DCLK2: variants seen among roughly 807,000 people sequenced by gnomAD.
DCLK2 encodes serine/threonine-protein kinase DCLK2.
DCLK2 carries 31 observed loss-of-function variants against 78.4 expected under a neutral mutation model. The ratio of observed to expected loss-of-function variants is 0.40; its 90% confidence interval spans 0.30 to 0.53. DCLK2 has a LOEUF of 0.53. Among genes scored for constraint, DCLK2 ranks in the 20% least tolerant of loss-of-function variants. DCLK2 has a pLI of 0.61. For missense variants in DCLK2, 872 were observed against 973.7 expected, an observed-to-expected ratio of 0.90 and a Z score of 1.39; for synonymous variants, 407 against 374.9, an observed-to-expected ratio of 1.09 and a Z score of -0.99.
At chr4:150,232,950 A>G in intron 10 of DCLK2, 122 bp downstream of exon 10, 2 of 1,257,190 alleles carry the variant, frequency 1.6e-6, no homozygotes, top group Non-Finnish European at 2.2e-6. Context: ...AAATTTAGAA[A>G]ATTAGCAAGA....
At chr4:150,109,403 C>T (rs1283503501) in intron 2 of DCLK2, among the ~76,000 whole-genome samples, 14 of 151,088 alleles carry the variant, frequency 9.3e-5, no homozygotes, top group Admixed American at 5.3e-4. Flanking sequence ...GGCATGATCT[C>T]GGCTCACTGC....
At chr4:150,099,481 T>A (rs796071905) in intron 1 of DCLK2, among the ~76,000 whole-genome samples, 14 of 152,294 alleles carry the variant, frequency 9.2e-5, no homozygotes, top group African/African-American at 3.1e-4. Context: ...AATCTGCAGA[T>A]TGTTTGATTT....
rs1187427375 is a variant in DCLK2 at position 150,239,834 on chromosome 4, C to T, written c.1659C>T (p.Gly553=). The change falls in exon 11 of 16, where the codon GGC becomes GGT. Residue 553 remains glycine, a synonymous_variant. Coordinates refer to ENST00000296550, the MANE Select transcript of DCLK2 (RefSeq NM_001040260.4). The part of the protein sequence containing the change: ...VVEGPLYTVC[G]TPTYVAPEII... ...AAGGCCCTTTATACACAGTCTGTGG[C>T]ACACCCACTTATGTGGCTCCAGAAA... is the stretch of plus-strand genomic sequence containing the variant. The T allele has an allele frequency of 1.2e-6, 2 of 1,614,236 alleles. No homozygotes were observed. Among genetic ancestry groups the T allele is most frequent in the African/African-American group, 1.3e-5 (1 of 75,066 alleles).
In DCLK2 at chr4:150,149,265, TTTAG is replaced by T. The variant is rs146811501; in HGVS notation, c.757-43869_757-43866del. 6.1e-3 allele frequency among the ~76,000 whole-genome samples: 933 copies of T among 152,274 alleles called. 28 individuals carry two copies. The highest frequency in any genetic ancestry group is 0.049 in the East Asian group (255 of 5,170). On this transcript the variant is annotated intron_variant, in intron 2 of 15. Transcript: ENST00000296550. ...TAATTATGGAGCTTTTCCAAATAATTTTAGTTAATTTCTATTGAAAAACTTCATT... is the reference window on the plus strand; with the variant it reads ...TAATTATGGAGCTTTTCCAAATAATTTTAATTTCTATTGAAAAACTTCATT...
At position 150,215,028 on chromosome 4, in the gene DCLK2, T is replaced by C. The variant is rs149720235; in HGVS notation, c.1057-5675T>C. ...AGACCATTTACCACTTGAATTGTGA[T>C]GCCATTTTCCAAAATGCATTCAAGA... On this transcript the variant is annotated intron_variant, in intron 5 of 15. Transcript: ENST00000296550. Among the ~76,000 whole-genome samples, 710 of 151,968 alleles carry C rather than the reference T, an allele frequency of 4.7e-3. 4 individuals carry two copies. Among genetic ancestry groups the C allele is most frequent in the African/African-American group, 0.016 (659 of 41,454 alleles).
intron 5 of DCLK2, among the ~76,000 whole-genome samples, chr4:150,206,203 C>T (rs1379997694): frequency 6.6e-6 from 1 of 152,134 alleles, no homozygotes; most frequent in Non-Finnish European, 1.5e-5. Flanking sequence ...CATACTTGTG[C>T]AGGGTCACTC....
At chr4:150,083,155 A>G (rs561121086) in intron 1 of DCLK2, among the ~76,000 whole-genome samples, 1 of 152,312 alleles carries the variant, frequency 6.6e-6, no homozygotes, top group Admixed American at 6.5e-5. Flanking sequence ...GCCAGAACCC[A>G]TCTTCCAGAA....
intron 2 of DCLK2, among the ~76,000 whole-genome samples, chr4:150,186,349 TA>T (rs1467186515): frequency 6.6e-6 from 1 of 152,226 alleles, no homozygotes. Flanking sequence ...GAATATGTTG[TA>T]AAACATAGAA....
At chr4:150,136,655 T>C (rs954177486) in intron 2 of DCLK2, among the ~76,000 whole-genome samples, 1 of 152,202 alleles carries the variant, frequency 6.6e-6, no homozygotes, top group Non-Finnish European at 1.5e-5. Flanking sequence ...GAACCTGAAA[T>C]GTGGTTTGAG....
chr4:150,161,270 A>G (rs1385300143), intron 2 of DCLK2, among the ~76,000 whole-genome samples: 1 of 152,180 alleles, frequency 6.6e-6, no homozygotes, highest in Non-Finnish European at 1.5e-5. Context: ...CCAGTAATAA[A>G]TGTGTTTTCT....
chr4:150,214,936 T>C (rs1271399356), intron 5 of DCLK2, among the ~76,000 whole-genome samples: 1 of 133,128 alleles, frequency 7.5e-6, no homozygotes, highest in Non-Finnish European at 1.6e-5. Flanking sequence ...CACTCCACCC[T>C]GGGTGACAGA....
At chr4:150,081,679 C>G (rs1190189001) in intron 1 of DCLK2, among the ~76,000 whole-genome samples, 1 of 151,936 alleles carries the variant, frequency 6.6e-6, no homozygotes, top group African/African-American at 2.4e-5. Context: ...GTAGAATACT[C>G]CATAGCAATG....
intron 5 of DCLK2, among the ~76,000 whole-genome samples, chr4:150,215,487 G>T (rs995401487): frequency 6.6e-6 from 1 of 152,138 alleles, no homozygotes; most frequent in Non-Finnish European, 1.5e-5. Context: ...ACACTTCACT[G>T]TACTCAGGGA....
chr4:150,178,365 G>A (rs923927128), intron 2 of DCLK2, among the ~76,000 whole-genome samples: 7 of 152,178 alleles, frequency 4.6e-5, no homozygotes, highest in Admixed American at 1.3e-4. Flanking sequence ...TAATTGTGGT[G>A]TATGCCTCAG....
chr4:150,143,328 T>C (rs1734235744), intron 2 of DCLK2, among the ~76,000 whole-genome samples: 1 of 152,138 alleles, frequency 6.6e-6, no homozygotes, highest in Non-Finnish European at 1.5e-5. Flanking sequence ...AACTTTGCTA[T>C]TGTGAACAGT....
chr4:150,249,455 T>G, intron 14 of DCLK2, 113 bp from the exon 15 acceptor site: 1 of 796,722 alleles, frequency 1.3e-6, no homozygotes. Flanking sequence ...GAGGGGCCCA[T>G]TTAGGAAGAG....
At chr4:150,101,103 A>C (rs1415221629) in intron 1 of DCLK2, among the ~76,000 whole-genome samples, 2 of 151,958 alleles carry the variant, frequency 1.3e-5, no homozygotes, top group Non-Finnish European at 2.9e-5. Context: ...AAAACACAAA[A>C]ATTTAGCCAG....
chr4:150,145,243 T>G (rs1177160644), intron 2 of DCLK2, among the ~76,000 whole-genome samples: 1 of 152,202 alleles, frequency 6.6e-6, no homozygotes, highest in African/African-American at 2.4e-5. Context: ...TGGGGTTGCC[T>G]TTGATTTCCT....
chr4:150,220,715 C>T lies in DCLK2; in HGVS notation c.1069C>T (p.His357Tyr). ...TCTCCTCTTTCAGCAGATTTCTGCT[C>T]ATGGCAGATCTTCTTCCAATGTAAA... ...SFRGLKQISA[H>Y]GRSSSNVNGG... Residue 357 changes from histidine to tyrosine, a missense_variant, in exon 6 of 16, where the codon CAT becomes TAT. By Grantham distance (83) the His-to-Tyr change is moderately conservative. Transcript: ENST00000296550. 1.2e-6 allele frequency: 2 copies of T among 1,613,366 alleles called. No homozygotes were observed. The highest frequency in any genetic ancestry group is 1.7e-6 in the Non-Finnish European group (2 of 1,179,518).
Sources: gnomAD v4.1 joint callset for allele counts (sites outside exome capture counted in the v4.1 genomes callset) on GRCh38, gnomAD v4.1.1 for gene constraint, MANE v1.5 for transcripts, NCBI Gene and HGNC (gene_info 2026-07-23, HGNC 2026-07-21) for gene names.